Variants in OTOP1 observed in about 807,000 individuals in gnomAD.
The protein encoded by OTOP1 is otopetrin 1, also known as proton channel OTOP1.
Under a neutral mutation model 52.9 loss-of-function variants are expected in OTOP1, and 59 were observed. The ratio of observed to expected loss-of-function variants is 1.12; its 90% CI spans 0.91 to 1.39. The LOEUF is 1.39. OTOP1 is among the 40% of genes most tolerant of loss of function. The pLI is 0.00. For missense variants in OTOP1, 761 were observed against 800.9 expected (o/e 0.95, Z 0.60); for synonymous variants, 317 against 337.7 (o/e 0.94, Z 0.67).
intron 4 of OTOP1, among the ~76,000 whole-genome samples, chr4:4,200,504 A>G (rs7687255): frequency 0.15 from 22,787 of 149,532 alleles, 2,299 homozygotes; most frequent in Non-Finnish European, 0.23. Context: ...GAAAAACTAT[A>G]TCGTAGCATT....
intron 1 of OTOP1, among the ~76,000 whole-genome samples, chr4:4,222,076 C>T (rs191536859): frequency 1.1e-3 from 172 of 152,254 alleles, no homozygotes; most frequent in Non-Finnish European, 1.8e-3. Context: ...TTAGTAGACA[C>T]GAATTGGCAT....
At chr4:4,210,586 T>G (rs1717004587) in intron 2 of OTOP1, among the ~76,000 whole-genome samples, 1 of 152,166 alleles carries the variant, frequency 6.6e-6, no homozygotes, top group Admixed American at 6.5e-5. Flanking sequence ...ATCCCAATAC[T>G]TTGGGAGGCC....
At chr4:4,212,261 T>C (rs1339687080) in intron 2 of OTOP1, among the ~76,000 whole-genome samples, 1 of 152,194 alleles carries the variant, frequency 6.6e-6, no homozygotes, top group Admixed American at 6.5e-5. Flanking sequence ...GTATTTAAAT[T>C]ATATTTATCA....
intron 1 of OTOP1, among the ~76,000 whole-genome samples, chr4:4,224,067 G>A (rs542421189): frequency 8.4e-4 from 127 of 151,610 alleles, no homozygotes; most frequent in Middle Eastern, 3.4e-3. Context: ...AGGAAAGGGA[G>A]GCCAGGCATG....
At position 4,197,348 on chromosome 4, in the gene OTOP1, G is replaced by A; in HGVS notation, c.1486C>T (p.Pro496Ser). The A allele has an allele frequency of 1.2e-6, 2 of 1,614,056 alleles. No individual in the cohort carries two copies. The highest frequency in any genetic ancestry group is 1.7e-6 in the Non-Finnish European group (2 of 1,180,032). The change falls in exon 5 of 6, where the codon CCA (proline) becomes TCA (serine). Residue 496 changes from proline to serine, a missense_variant. Physicochemically the swap from Pro to Ser is moderately conservative, Grantham distance 74. Transcript: ENST00000296358. Reference protein sequence around the residue: ...RDVAPQGKDMPPAANGNVCMR... With the variant: ...RDVAPQGKDMSPAANGNVCMR... ...CACACATTTCCATTGGCTGCTGGTG[G>A]CATGTCCTTGCCCTGGGGAGCCACA...
At chr4:4,220,992 G>A (rs190722277) in intron 1 of OTOP1, among the ~76,000 whole-genome samples, 4 of 151,704 alleles carry the variant, frequency 2.6e-5, no homozygotes, top group East Asian at 1.9e-4. Flanking sequence ...CTCTCAAAGC[G>A]TACCCTACCA....
intron 4 of OTOP1, among the ~76,000 whole-genome samples, chr4:4,198,689 C>T (rs558349115): frequency 2.4e-4 from 37 of 152,252 alleles, no homozygotes; most frequent in Admixed American, 5.2e-4. Flanking sequence ...CGTCCGATAT[C>T]GGTGCGGGGA....
intron 4 of OTOP1, among the ~76,000 whole-genome samples, chr4:4,200,612 G>GA (rs1716762332): frequency 6.8e-6 from 1 of 147,270 alleles, no homozygotes; most frequent in Non-Finnish European, 1.5e-5. Flanking sequence ...GGAGTGCAGT[G>GA]GCACAAACAC....
Position 4,226,499 on chromosome 4 carries a change from G to C in OTOP1, c.366C>G (p.Arg122=). ...GRSSAHRRLF[R]LKDTHAGAGW... is the part of the protein sequence containing the mutation. The stretch of plus-strand genomic sequence containing the variant: ...CGGCACCCGCGTGCGTGTCCTTGAG[G>C]CGGAAGAGGCGGCGGTGCGCGGAGC... The change falls in exon 1 of 6, where the codon CGC becomes CGG. Residue 122 remains arginine, a synonymous_variant. Transcript: ENST00000296358. The C allele has an allele frequency of 6.3e-7, 1 of 1,577,630 alleles. No individual in the cohort carries two copies. The highest frequency in any genetic ancestry group is 8.6e-7 in the Non-Finnish European group (1 of 1,169,446).
At chr4:4,200,290 C>T (rs1215532141) in intron 4 of OTOP1, among the ~76,000 whole-genome samples, 1 of 151,820 alleles carries the variant, frequency 6.6e-6, no homozygotes, top group African/African-American at 2.4e-5. Context: ...GGTCAGGAGA[C>T]TGAGACCATC....
At chr4:4,195,891 T>C (rs529559015) in intron 5 of OTOP1, among the ~76,000 whole-genome samples, 1 of 152,264 alleles carries the variant, frequency 6.6e-6, no homozygotes, top group Non-Finnish European at 1.5e-5. Context: ...TCCCCCATTA[T>C]ACTGAGACCT....
intron 2 of OTOP1, 38 bp from the exon 3 acceptor site, chr4:4,206,168 G>T: frequency 6.6e-7 from 1 of 1,505,702 alleles, no homozygotes; most frequent in South Asian, 1.2e-5. Flanking sequence ...AAATCGGTGA[G>T]ACACTCATCT....
chr4:4,197,585 C>T lies in OTOP1; in HGVS notation c.1249G>A (p.Gly417Ser). 2 of 1,613,706 alleles carry T rather than the reference C, an allele frequency of 1.2e-6. No homozygotes were observed. The highest frequency in any genetic ancestry group is 1.7e-6 in the Non-Finnish European group (2 of 1,179,940). ...TTGTACCAGGTGTAGCGGGGGTGGC[C>T]CTCAGCACAGAGGATGGCCAAGATT... ...GSILAILCAE[G>S]HPRYTWYNLP... Residue 417 changes from glycine to serine, a missense_variant, in exon 5 of 6, where the codon GGC (glycine) becomes AGC (serine). Around this residue, in one of 3 missense-constraint regions of OTOP1, gnomAD observed 632 missense variants for 619.5 expected, o/e 1.02. Transcript: ENST00000296358.
intron 3 of OTOP1, among the ~76,000 whole-genome samples, chr4:4,204,853 C>A (rs771293700): frequency 2.6e-5 from 4 of 152,046 alleles, no homozygotes; most frequent in Non-Finnish European, 5.9e-5. Context: ...CTCACTGCAA[C>A]CTCTGCCTCC....
At chr4:4,196,763 C>T (rs956613861) in intron 5 of OTOP1, among the ~76,000 whole-genome samples, 2 of 152,112 alleles carry the variant, frequency 1.3e-5, no homozygotes, top group African/African-American at 4.8e-5. Flanking sequence ...TAGCTCTACA[C>T]CGTGGAATAT....
Position 4,188,946 on chromosome 4 carries a change from G to A in OTOP1, c.1696C>T (p.Arg566Ter). 6.2e-6 allele frequency: 10 copies of A among 1,613,332 alleles called. No homozygotes were observed. The highest frequency in any genetic ancestry group is 4.4e-5 in the South Asian group (4 of 90,938). The change falls in exon 6 of 6, where the codon CGA becomes TGA. Residue 566 changes from arginine to a stop codon, truncating the protein, a stop_gained. Coordinates refer to ENST00000296358, the MANE Select transcript of OTOP1 (RefSeq NM_177998.3). LOFTEE classifies it high-confidence loss of function. The stretch of plus-strand genomic sequence containing the variant: ...TCCAATCCATTGTCATACTCAGGTC[G>A]ACAGCCAAAGGCGGGAGGTATCCAA... ...SLWIPPAFGCRPEYDNGLEEI... is the reference protein window; with the variant it reads ...SLWIPPAFGC
At chr4:4,205,007 C>T (rs1716868426) in intron 3 of OTOP1, among the ~76,000 whole-genome samples, 1 of 152,244 alleles carries the variant, frequency 6.6e-6, no homozygotes, top group Non-Finnish European at 1.5e-5. Context: ...CTCCTGACTT[C>T]GTGATCCGCC....
chr4:4,193,593 T>C (rs1388826990), intron 5 of OTOP1, among the ~76,000 whole-genome samples: 1 of 152,114 alleles, frequency 6.6e-6, no homozygotes, highest in East Asian at 1.9e-4. Context: ...AGCACGGGTA[T>C]CCTAAGACTC....
intron 4 of OTOP1, 82 bp from the exon 5 acceptor site, chr4:4,198,185 C>A: frequency 8.1e-7 from 1 of 1,230,922 alleles, no homozygotes. Context: ...CTGTTTCCAC[C>A]GTGGATTCAG....
Sources: gnomAD v4.1 joint callset for allele counts (sites outside exome capture counted in the v4.1 genomes callset) on GRCh38, gnomAD v4.1.1 for gene constraint, gnomAD v4.1.1 regional missense constraint, MANE v1.5 for transcripts, NCBI Gene and HGNC (gene_info 2026-07-23, HGNC 2026-07-21) for gene names.